Variants in DNAAF5 observed in about 807,000 individuals in gnomAD.
DNAAF5 encodes the protein HEAT repeat containing 2.
A neutral mutation model predicts 75.8 loss-of-function variants in DNAAF5; 64 were observed. The observed-to-expected ratio is 0.84, with a 90% CI of 0.69 to 1.04. DNAAF5 has a LOEUF of 1.04. DNAAF5 is among the 50% of genes least tolerant of loss of function. DNAAF5 has a pLI of 0.00. For synonymous variants in DNAAF5, 657 were observed against 557.2 expected (o/e 1.18, Z -2.52); for missense variants, 1,269 against 1,178.5 (o/e 1.08, Z -1.12).
chr7:780,093 T>C lies in DNAAF5; in HGVS notation c.2380T>C (p.Leu794=), dbSNP rs1313634931. Residue 794 remains leucine, a synonymous_variant, in exon 12 of 13, where the codon TTG becomes CTG. Coordinates refer to ENST00000297440, the MANE Select transcript of DNAAF5 (RefSeq NM_017802.4). The part of the protein sequence containing the change: ...QSSVQYLYRE[L]LVHLDDPERA... ...CAGTGTCCAGTACCTGTACCGAGAGTTGCTGGTTCACCTTGACGATCCAGA... is the reference window on the plus strand; with the variant it reads ...CAGTGTCCAGTACCTGTACCGAGAGCTGCTGGTTCACCTTGACGATCCAGA... The C allele has an allele frequency of 1.9e-6, 3 of 1,613,772 alleles. No homozygotes were observed. The African/African-American group carries it at 4.0e-5, about 22-fold the overall frequency.
intron 6 of DNAAF5, among the ~76,000 whole-genome samples, chr7:758,463 C>G (rs1187814437): frequency 2.6e-5 from 4 of 152,270 alleles, no homozygotes; most frequent in Non-Finnish European, 5.9e-5. Context: ...AAAGTCCAGT[C>G]ACACGGGACC....
chr7:728,805 C>T (rs1184145278), intron 1 of DNAAF5, among the ~76,000 whole-genome samples: 1 of 152,076 alleles, frequency 6.6e-6, no homozygotes. Flanking sequence ...CCCCTCATCT[C>T]CAGCACCTCT....
chr7:782,957 G>C (rs1779023665), intron 12 of DNAAF5, among the ~76,000 whole-genome samples: 1 of 152,244 alleles, frequency 6.6e-6, no homozygotes, highest in Non-Finnish European at 1.5e-5. Context: ...ATCGTCCTGG[G>C]GTGGCTGCTC....
chr7:731,704 G>T (rs928543806), intron 2 of DNAAF5, among the ~76,000 whole-genome samples: 6 of 151,520 alleles, frequency 4.0e-5, no homozygotes, highest in Non-Finnish European at 5.9e-5. Flanking sequence ...CTTTTAGCTC[G>T]TCAGCTATCA....
At chr7:740,649 A>T (rs1781874522) in intron 2 of DNAAF5, among the ~76,000 whole-genome samples, 170 bp from the exon 3 acceptor site, 1 of 152,170 alleles carries the variant, frequency 6.6e-6, no homozygotes, top group Admixed American at 6.5e-5. Context: ...GACCCCGGCC[A>T]CGCGCCTCTG....
intron 12 of DNAAF5, among the ~76,000 whole-genome samples, chr7:784,287 C>T (rs949217866): frequency 1.3e-5 from 2 of 152,210 alleles, no homozygotes; most frequent in Non-Finnish European, 2.9e-5. Flanking sequence ...TCCCTCAGAG[C>T]TCTTCTCCTG....
intron 2 of DNAAF5, among the ~76,000 whole-genome samples, chr7:732,058 C>G (rs1176561026): frequency 6.6e-6 from 1 of 152,214 alleles, no homozygotes; most frequent in African/African-American, 2.4e-5. Flanking sequence ...ACTGGAAGGG[C>G]CTGGAAATAA....
At chr7:762,388 G>A (rs562236853) in intron 7 of DNAAF5, among the ~76,000 whole-genome samples, 5 of 152,020 alleles carry the variant, frequency 3.3e-5, no homozygotes, top group South Asian at 2.1e-4. Context: ...TCAGGAGGCT[G>A]AGGCAGGAAA....
intron 4 of DNAAF5, among the ~76,000 whole-genome samples, chr7:746,287 TG>T (rs1782102548): frequency 1.7e-5 from 1 of 58,378 alleles, no homozygotes; most frequent in Non-Finnish European, 3.2e-5. Context: ...CCCTGCCCGC[TG>T]GGCCCAGGCT....
chr7:769,791 C>G (rs992716804), intron 8 of DNAAF5, among the ~76,000 whole-genome samples: 1 of 152,092 alleles, frequency 6.6e-6, no homozygotes, highest in African/African-American at 2.4e-5. Flanking sequence ...AGGCGCCCAC[C>G]ACCACGCCCA....
Position 726,828 on chromosome 7 carries a change from G to C in DNAAF5, c.108G>C (p.Pro36=), listed in dbSNP as rs1483558301. ...GCCGCGCCCTGAGCCGCCTGCTGCC[G>C]GGGCTGGAGGCCGACAGCAAGCCGG... ...ELSRALSRLL[P]GLEADSKPGR... Residue 36 remains proline (P), a synonymous_variant, in exon 1 of 13, where the codon CCG becomes CCC. Coordinates refer to ENST00000297440, the MANE Select transcript of DNAAF5 (RefSeq NM_017802.4). 8 of 1,326,516 alleles carry C rather than the reference G, an allele frequency of 6.0e-6. No individual in the cohort carries two copies. The African/African-American group carries it at 7.7e-5, about 13-fold the overall frequency. 82.2% of individuals were successfully genotyped at this position (1,326,516 alleles called of 1,614,324 possible). A position where few individuals can be genotyped will look rare whatever the true frequency, so the allele number is the denominator to read the frequency against.
At chr7:773,984 T>C (rs1778664584) in intron 9 of DNAAF5, 64 bp from the exon 10 acceptor site, 1 of 1,595,804 alleles carries the variant, frequency 6.3e-7, no homozygotes, top group Non-Finnish European at 8.6e-7. Context: ...TCATCCCTAG[T>C]CTGAAACGTT....
rs200685077 is a variant in DNAAF5, at chr7:779,908, A to G, written c.2240-45A>G. ...GCCTTTGTGGACGTTTAGACGTGAA[A>G]TGTCTGCTCTAGACTCACACACCTG... On this transcript the variant is annotated intron_variant, in intron 11 of 12. Coordinates refer to ENST00000297440, the MANE Select transcript of DNAAF5 (RefSeq NM_017802.4). 137 of 1,548,674 alleles carry G rather than the reference A, an allele frequency of 8.8e-5. 1 individual carries two copies. Among genetic ancestry groups the G allele is most frequent in the Middle Eastern group, 7.2e-4 (4 of 5,528 alleles).
At chr7:742,404 A>G (rs1459869067) in intron 4 of DNAAF5, among the ~76,000 whole-genome samples, 2 of 51,306 alleles carry the variant, frequency 3.9e-5, no homozygotes, top group Non-Finnish European at 9.9e-5. Context: ...GCCCAGCCCA[A>G]ATCAAGACGC....
chr7:761,396 AT>A (rs1782639391), intron 6 of DNAAF5, among the ~76,000 whole-genome samples: 4 of 152,244 alleles, frequency 2.6e-5, no homozygotes, highest in African/African-American at 7.2e-5. Flanking sequence ...GCTAATAAAG[AT>A]CTACCACAGA....
chr7:775,198 G>A, intron 11 of DNAAF5, 36 bp downstream of exon 11: 1 of 1,601,186 alleles, frequency 6.2e-7, no homozygotes, highest in Non-Finnish European at 8.6e-7. Context: ...CTGTGTATAT[G>A]CAGTCAGCCC....
chr7:768,197 A>G (rs947009633), intron 8 of DNAAF5, among the ~76,000 whole-genome samples: 9 of 125,412 alleles, frequency 7.2e-5, no homozygotes, highest in South Asian at 5.7e-4. Context: ...TCCATGCTGC[A>G]GCAGGAGCTC....
At position 777,605 on chromosome 7, in the gene DNAAF5, C is replaced by A. The variant is rs552368509; in HGVS notation, c.2240-2348C>A. 3.3e-5 allele frequency among the ~76,000 whole-genome samples: 5 copies of A among 152,282 alleles called. No individual in the cohort carries two copies. In the East Asian group the frequency reaches 9.7e-4, roughly 29 times the overall value. The stretch of plus-strand genomic sequence containing the variant: ...GCGGGAAGCGGCCACTCAGGCGTTC[C>A]TGATTAGCTCTACTTAATGTGATTA... On this transcript the variant is annotated intron_variant, in intron 11 of 12. Transcript: ENST00000297440.
intron 8 of DNAAF5, chr7:769,120 T>G: frequency 1.3e-6 from 1 of 761,694 alleles, no homozygotes; most frequent in Non-Finnish European, 2.4e-6. Flanking sequence ...TGCGGGGGTC[T>G]CAGTCCACTA....
Sources: allele counts gnomAD v4.1 joint callset (sites outside exome capture counted in the v4.1 genomes callset), GRCh38; gene constraint gnomAD v4.1.1; transcripts MANE v1.5; gene names NCBI Gene and HGNC (gene_info 2026-07-23, HGNC 2026-07-21).